CCDC192: variants seen among roughly 807,000 people sequenced by gnomAD.
CCDC192 encodes the protein coiled-coil domain containing 192.
upstream of CCDC192, among the ~76,000 whole-genome samples, chr5:127,702,748 A>C (rs1176389103): frequency 1.3e-5 from 2 of 152,220 alleles, no homozygotes; most frequent in Non-Finnish European, 2.9e-5. Flanking sequence ...GTCAGAGCAG[A>C]AAGTGAAGCG....
intron 3 of CCDC192, among the ~76,000 whole-genome samples, chr5:127,783,090 G>A (rs1266905977): frequency 6.6e-6 from 1 of 151,716 alleles, no homozygotes; most frequent in Non-Finnish European, 1.5e-5. Context: ...CTGCCTCCTG[G>A]GTTCAAGTGA....
chr5:127,863,247 G>A (rs1249278566), intron 5 of CCDC192, among the ~76,000 whole-genome samples: 1 of 152,082 alleles, frequency 6.6e-6, no homozygotes, highest in Non-Finnish European at 1.5e-5. Flanking sequence ...ACCAAGGGCT[G>A]GAAACAACCC....
chr5:127,941,070 C>T, intron 6 of CCDC192, 112 bp from the exon 7 acceptor site: 2 of 397,518 alleles, frequency 5.0e-6, no homozygotes, highest in Non-Finnish European at 8.9e-6. Flanking sequence ...GATGCAACAT[C>T]TGTGCTCTCT....
intron 2 of CCDC192, among the ~76,000 whole-genome samples, chr5:127,721,696 A>T (rs116680451): frequency 6.6e-6 from 1 of 152,190 alleles, no homozygotes; most frequent in South Asian, 2.1e-4. Context: ...CCTGAGACTG[A>T]GTAATTTATA....
Position 127,857,453 on chromosome 5 carries a change from T to G in CCDC192, c.412-18085T>G, listed in dbSNP as rs530917842. ...TATTGAATTAATATTTCCTACCTGG[T>G]GTTCCTGGATTCATTCTGTCCTACT... On this transcript the variant is annotated intron_variant, in intron 5 of 6. Transcript: ENST00000514853. Among the ~76,000 whole-genome samples the G allele has an allele frequency of 3.9e-5, 6 of 152,338 alleles. No homozygotes were observed. In the East Asian group the frequency reaches 1.2e-3, roughly 29 times the overall value.
chr5:127,761,658 T>G (rs1384272874), intron 3 of CCDC192, among the ~76,000 whole-genome samples: 41 of 152,268 alleles, frequency 2.7e-4, no homozygotes, highest in Non-Finnish European at 2.9e-5. Context: ...GGGGCTCAGG[T>G]TTTCTCTTCA....
intron 6 of CCDC192, among the ~76,000 whole-genome samples, chr5:127,890,508 C>T (rs1313695439): frequency 6.6e-6 from 1 of 151,350 alleles, no homozygotes; most frequent in Non-Finnish European, 1.5e-5. Context: ...TGGCTCAAGT[C>T]CACTGTTGCT....
rs191153205 is a variant in CCDC192 at position 127,883,373 on chromosome 5, G to T, written c.535+7712G>T. 9.8e-5 allele frequency among the ~76,000 whole-genome samples: 15 copies of T among 152,286 alleles called. 1 individual carries two copies. The highest frequency in any genetic ancestry group is 8.8e-5 in the Non-Finnish European group (6 of 68,008). On this transcript the variant is annotated intron_variant, in intron 6 of 6. Transcript: ENST00000514853. ...ATTAACAGTGGGAAAAAATAAGAGA[G>T]CATAGGAGTGATCAGTTAAAGGTGT...
intron 3 of CCDC192, among the ~76,000 whole-genome samples, chr5:127,783,829 A>G (rs1756383639): frequency 6.6e-6 from 1 of 152,142 alleles, no homozygotes; most frequent in Non-Finnish European, 1.5e-5. Flanking sequence ...TTAGGTGCAT[A>G]TATATTTAGG....
intron 3 of CCDC192, among the ~76,000 whole-genome samples, chr5:127,756,796 A>G (rs1458346233): frequency 6.6e-6 from 1 of 152,252 alleles, no homozygotes; most frequent in Non-Finnish European, 1.5e-5. Flanking sequence ...ATTCCTTCCC[A>G]AAGTTAGTTC....
At chr5:127,703,861 C>T (rs1439756167) in intron 1 of CCDC192, among the ~76,000 whole-genome samples, 1 of 152,154 alleles carries the variant, frequency 6.6e-6, no homozygotes, top group African/African-American at 2.4e-5. Flanking sequence ...ATGTCATCTT[C>T]ACTACTCTCT....
At chr5:127,716,818 G>C (rs1428348532) in intron 2 of CCDC192, among the ~76,000 whole-genome samples, 1 of 152,116 alleles carries the variant, frequency 6.6e-6, no homozygotes, top group South Asian at 2.1e-4. Flanking sequence ...GTTTTGAAGG[G>C]CTATCCCAGC....
intron 5 of CCDC192, among the ~76,000 whole-genome samples, chr5:127,808,533 TC>T (rs1405923878): frequency 2.6e-5 from 4 of 152,174 alleles, no homozygotes; most frequent in Non-Finnish European, 5.9e-5. Context: ...CCCGCTACCT[TC>T]TACTGCTAGT....
At chr5:127,930,384 A>T (rs576033017) in intron 6 of CCDC192, among the ~76,000 whole-genome samples, 323 of 152,228 alleles carry the variant, frequency 2.1e-3, no homozygotes, top group Non-Finnish European at 3.8e-3. Context: ...CCATTCATTC[A>T]ATCTCATGGA....
At chr5:127,844,877 A>G (rs961772245) in intron 5 of CCDC192, among the ~76,000 whole-genome samples, 5 of 152,236 alleles carry the variant, frequency 3.3e-5, no homozygotes, top group African/African-American at 1.2e-4. Context: ...GGAGGAAATA[A>G]TGTCTGAAGC....
chr5:127,903,104 T>A (rs1246383762), intron 6 of CCDC192, among the ~76,000 whole-genome samples: 1 of 152,182 alleles, frequency 6.6e-6, no homozygotes, highest in East Asian at 1.9e-4. Flanking sequence ...CTTTCCGGCA[T>A]GCTCTTCCAT....
chr5:127,739,827 G>C (rs954991466), intron 2 of CCDC192: 2 of 152,788 alleles, frequency 1.3e-5, no homozygotes, highest in Admixed American at 6.5e-5. Context: ...TGCGCCCACT[G>C]TCTGGCACTC....
chr5:127,814,573 A>G (rs930567302), intron 5 of CCDC192, among the ~76,000 whole-genome samples: 17 of 152,220 alleles, frequency 1.1e-4, no homozygotes, highest in African/African-American at 3.9e-4. Flanking sequence ...ATAAATGTGT[A>G]GTTTTTAGTT....
chr5:127,757,804 TC>T (rs1754692909), intron 3 of CCDC192, among the ~76,000 whole-genome samples: 1 of 133,596 alleles, frequency 7.5e-6, no homozygotes, highest in Admixed American at 7.1e-5. Flanking sequence ...ACACACTCTC[TC>T]TCTCTCTCTC....
Sources: allele counts gnomAD v4.1 joint callset (sites outside exome capture counted in the v4.1 genomes callset), GRCh38; gene constraint gnomAD v4.1.1; transcripts MANE v1.5; gene names NCBI Gene and HGNC (gene_info 2026-07-23, HGNC 2026-07-21).